Variants in DPP10 observed in about 807,000 individuals in gnomAD.
The protein encoded by DPP10 is inactive dipeptidyl peptidase 10.
In DPP10, 33 loss-of-function variants were observed where a neutral mutation model predicts 120.9. That is an observed-to-expected ratio of 0.27 (90% confidence interval 0.21 to 0.37). DPP10 has a LOEUF of 0.37. DPP10 is among the 10% of genes least tolerant of loss of function. The pLI is 1.00. For synonymous variants in DPP10, 337 were observed against 326.1 expected (o/e 1.03, Z -0.36); for missense variants, 816 against 942.8 (o/e 0.87, Z 1.76).
At chr2:115,301,795 T>A (rs1405329975) in intron 1 of DPP10, among the ~76,000 whole-genome samples, 5 of 152,034 alleles carry the variant, frequency 3.3e-5, no homozygotes, top group Non-Finnish European at 5.9e-5. Flanking sequence ...GTGTCCAGAA[T>A]CACAGTTGCT....
At chr2:114,535,000 C>G (rs1044359450) in intron 1 of DPP10, among the ~76,000 whole-genome samples, 5 of 151,972 alleles carry the variant, frequency 3.3e-5, no homozygotes, top group African/African-American at 4.8e-5. Context: ...TCGGCTCTAT[C>G]AAGTTACTTC....
At chr2:115,819,337 G>C (rs1687577471) in intron 21 of DPP10, among the ~76,000 whole-genome samples, 1 of 152,102 alleles carries the variant, frequency 6.6e-6, no homozygotes, top group Non-Finnish European at 1.5e-5. Flanking sequence ...TATACAAACA[G>C]CAATATATAA....
intron 1 of DPP10, among the ~76,000 whole-genome samples, chr2:114,720,245 G>C: frequency 6.6e-6 from 1 of 152,128 alleles, no homozygotes; most frequent in Non-Finnish European, 1.5e-5. Flanking sequence ...CAGAAGTTTG[G>C]CTTTCTGACG....
intron 3 of DPP10, among the ~76,000 whole-genome samples, chr2:115,391,228 A>G: frequency 6.6e-6 from 1 of 152,168 alleles, no homozygotes; most frequent in East Asian, 1.9e-4. Flanking sequence ...AGGCTTGGAT[A>G]TACACTGGTA....
intron 1 of DPP10, among the ~76,000 whole-genome samples, chr2:115,001,257 T>G (rs1701421084): frequency 6.6e-6 from 1 of 152,190 alleles, no homozygotes; most frequent in Admixed American, 6.5e-5. Context: ...AAAGTTAATA[T>G]CCATTGAGAT....
intron 1 of DPP10, chr2:114,463,486 T>A (rs1437960633): frequency 6.6e-6 from 1 of 152,190 alleles, no homozygotes; most frequent in Non-Finnish European, 1.5e-5. Flanking sequence ...TCATGTGCAG[T>A]TCCTTTGCCC....
intron 1 of DPP10, among the ~76,000 whole-genome samples, chr2:114,715,145 C>T (rs1435878): frequency 0.32 from 49,016 of 151,870 alleles, 8,793 homozygotes; most frequent in South Asian, 0.47. Context: ...GAAACAGGCT[C>T]TATGAAAGGA....
intron 3 of DPP10, among the ~76,000 whole-genome samples, chr2:115,434,476 C>T (rs909696888): frequency 6.6e-6 from 1 of 151,914 alleles, no homozygotes; most frequent in African/African-American, 2.4e-5. Context: ...ATAATAAATG[C>T]ATGCACAGCA....
At chr2:114,796,073 C>T (rs1166172422) in intron 1 of DPP10, among the ~76,000 whole-genome samples, 2 of 152,160 alleles carry the variant, frequency 1.3e-5, no homozygotes, top group Non-Finnish European at 2.9e-5. Context: ...ATGCTAATCA[C>T]CTCCTCCTGA....
At chr2:114,840,442 T>C (rs973390638) in intron 1 of DPP10, among the ~76,000 whole-genome samples, 15 of 152,084 alleles carry the variant, frequency 9.9e-5, no homozygotes, top group African/African-American at 3.6e-4. Flanking sequence ...AATTTTCAGG[T>C]TCTGTGACCC....
At chr2:114,520,688 G>A (rs935550016) in intron 1 of DPP10, among the ~76,000 whole-genome samples, 1 of 152,152 alleles carries the variant, frequency 6.6e-6, no homozygotes, top group Non-Finnish European at 1.5e-5. Context: ...CATGCCTAAA[G>A]CTAGTCTAAT....
chr2:114,686,054 A>G (rs1043606842), intron 1 of DPP10, among the ~76,000 whole-genome samples: 2 of 151,886 alleles, frequency 1.3e-5, no homozygotes, highest in African/African-American at 2.4e-5. Context: ...GGACATGAGC[A>G]TGCTCTTCTG....
intron 1 of DPP10, among the ~76,000 whole-genome samples, chr2:115,120,138 G>A (rs887193954): frequency 1.3e-5 from 2 of 152,218 alleles, no homozygotes; most frequent in Non-Finnish European, 2.9e-5. Flanking sequence ...AGTTGTTAAA[G>A]TTTTATCCAT....
Position 114,451,923 on chromosome 2 carries a change from G to A in DPP10, c.60+9085G>A, listed in dbSNP as rs550577192. Among the ~76,000 whole-genome samples the A allele has an allele frequency of 2.9e-3, 445 of 152,226 alleles. 2 individuals are homozygous for A. Among genetic ancestry groups the A allele is most frequent in the Non-Finnish European group, 5.5e-3 (374 of 67,978 alleles). On this transcript the variant is annotated intron_variant, in intron 1 of 25. Coordinates refer to ENST00000410059, the MANE Select transcript of DPP10 (RefSeq NM_020868.6). ...ATTAGCCAGACAGGTTTTACAGAAG[G>A]TAAATCTTAACAAGAACAAAAGGTT...
intron 1 of DPP10, among the ~76,000 whole-genome samples, chr2:114,854,731 T>C (rs745441291): frequency 2.6e-5 from 4 of 152,200 alleles, no homozygotes; most frequent in Non-Finnish European, 5.9e-5. Context: ...AGTAAAAGAA[T>C]AGAATTAGGT....
intron 1 of DPP10, among the ~76,000 whole-genome samples, chr2:114,575,228 A>G (rs1230001908): frequency 6.6e-6 from 1 of 152,068 alleles, no homozygotes; most frequent in Non-Finnish European, 1.5e-5. Flanking sequence ...AAAAATAAAG[A>G]CAGGAGACAA....
At chr2:115,584,573 C>G (rs1175508543) in intron 5 of DPP10, among the ~76,000 whole-genome samples, 1 of 152,220 alleles carries the variant, frequency 6.6e-6, no homozygotes, top group African/African-American at 2.4e-5. Flanking sequence ...ATGACCCTTT[C>G]TCTAGAGCTA....
chr2:115,111,530 C>A (rs1353161844), intron 1 of DPP10, among the ~76,000 whole-genome samples: 4 of 152,244 alleles, frequency 2.6e-5, no homozygotes, highest in African/African-American at 9.6e-5. Flanking sequence ...GTTCCAGCTG[C>A]CACAAGGGAG....
At chr2:115,808,960 G>A (rs1686328254) in intron 19 of DPP10, among the ~76,000 whole-genome samples, 1 of 152,098 alleles carries the variant, frequency 6.6e-6, no homozygotes, top group Admixed American at 6.6e-5. Context: ...TCCTGGTTAT[G>A]ACTTATAAAA....
Sources: gnomAD v4.1 joint callset for allele counts (sites outside exome capture counted in the v4.1 genomes callset) on GRCh38, gnomAD v4.1.1 for gene constraint, MANE v1.5 for transcripts, NCBI Gene and HGNC (gene_info 2026-07-23, HGNC 2026-07-21) for gene names.